The following LIN28B variants were observed in gnomAD, a reference collection of about 807,000 sequenced individuals.
LIN28B encodes the protein lin-28 RNA binding posttranscriptional regulator B.
A neutral mutation model predicts 21.9 loss-of-function variants in LIN28B; 5 were observed. The observed-to-expected ratio is 0.23, with a 90% confidence interval of 0.12 to 0.48. The LOEUF (loss-of-function observed/expected upper bound fraction) is 0.48. LIN28B is among the 20% of genes least tolerant of loss of function. The probability of loss-of-function intolerance (pLI) is 0.98; values close to 1 mark genes in which losing one functional copy is unlikely to be tolerated. For synonymous variants in LIN28B, 109 were observed against 111.3 expected (o/e 0.98, Z 0.13); for missense variants, 245 against 310.5 (o/e 0.79, Z 1.58).
Position 105,082,966 on chromosome 6 carries a change from C to T in LIN28B, c.*4183C>T, listed in dbSNP as rs1006168969. The T allele has an allele frequency of 1.1e-4, 17 of 152,560 alleles. No homozygotes were observed. The highest frequency in any genetic ancestry group is 7.2e-4 in the Admixed American group (11 of 15,252). 9.5% of individuals were successfully genotyped at this position (152,560 alleles called of 1,614,324 possible). A position where few individuals can be genotyped will look rare whatever the true frequency, so the allele number is the denominator to read the frequency against. ...TTGCTTTTTGGTATTAACAACTAAC[C>T]GTACTAGAGACCAAAGTGAACCCTG... On this transcript the variant is annotated 3_prime_UTR_variant, in exon 4 of 4. Transcript: ENST00000345080.
chr6:105,027,101 A>G (rs1042393275), intron 3 of LIN28B, among the ~76,000 whole-genome samples: 6 of 152,154 alleles, frequency 3.9e-5, no homozygotes, highest in Non-Finnish European at 8.8e-5. Context: ...ATGTATTTTG[A>G]ATTGATCAAT....
At chr6:104,966,265 A>G (rs1769856006) in intron 2 of LIN28B, among the ~76,000 whole-genome samples, 1 of 152,190 alleles carries the variant, frequency 6.6e-6, no homozygotes. Flanking sequence ...GGTCACTTCC[A>G]GGGAGCTTCA....
chr6:105,065,535 C>T lies in LIN28B; in HGVS notation c.384-12879C>T, dbSNP rs911605326. ...GGGAGAAATGGACAGAGGTCATTTA[C>T]TTCTCATTTATACTTCATCGTTTTC... On this transcript the variant is annotated intron_variant, in intron 3 of 3. Transcript: ENST00000345080. 3.9e-5 allele frequency among the ~76,000 whole-genome samples: 6 copies of T among 152,358 alleles called. 1 individual carries two copies. The highest frequency in any genetic ancestry group is 1.4e-4 in the African/African-American group (6 of 41,590).
intron 2 of LIN28B, among the ~76,000 whole-genome samples, chr6:104,991,724 T>C (rs1012883848): frequency 6.6e-6 from 1 of 152,050 alleles, no homozygotes; most frequent in Non-Finnish European, 1.5e-5. Flanking sequence ...CTGGGCAACA[T>C]TGAGCACTGA....
intron 2 of LIN28B, among the ~76,000 whole-genome samples, chr6:104,994,385 A>G (rs1414180650): frequency 2.0e-5 from 3 of 152,246 alleles, no homozygotes; most frequent in African/African-American, 7.2e-5. Context: ...AAGAATTAGC[A>G]AATCAGTTAT....
chr6:105,060,183 G>A (rs929365227), intron 3 of LIN28B, among the ~76,000 whole-genome samples: 1 of 152,164 alleles, frequency 6.6e-6, no homozygotes, highest in Non-Finnish European at 1.5e-5. Context: ...GATTACAGGC[G>A]TGAGCCACCG....
chr6:105,030,063 A>T (rs1277568315), intron 3 of LIN28B, among the ~76,000 whole-genome samples: 2 of 152,170 alleles, frequency 1.3e-5, no homozygotes, highest in African/African-American at 4.8e-5. Context: ...TAAAGCTTTG[A>T]CACACTTAAT....
chr6:105,062,464 A>C (rs769406495), intron 3 of LIN28B, among the ~76,000 whole-genome samples: 47 of 152,218 alleles, frequency 3.1e-4, no homozygotes, highest in Non-Finnish European at 5.3e-4. Context: ...CTGTTTTAAA[A>C]TATATTTTTA....
At chr6:104,945,599 A>T (rs930214689) in intron 2 of LIN28B, among the ~76,000 whole-genome samples, 9 of 152,034 alleles carry the variant, frequency 5.9e-5, no homozygotes, top group African/African-American at 2.2e-4. Context: ...TAAGGCAGGA[A>T]TTTTGCCATT....
chr6:105,020,464 G>A (rs1350208894), intron 2 of LIN28B, among the ~76,000 whole-genome samples: 1 of 151,450 alleles, frequency 6.6e-6, no homozygotes, highest in African/African-American at 2.4e-5. Context: ...CGTCAAGTGT[G>A]TGCCACCATG....
chr6:104,955,232 C>G (rs1384758089), upstream of LIN28B, among the ~76,000 whole-genome samples: 6 of 152,064 alleles, frequency 3.9e-5, no homozygotes, highest in Non-Finnish European at 8.8e-5. Flanking sequence ...AAAATAATGC[C>G]TAGTAAATGT....
intron 2 of LIN28B, among the ~76,000 whole-genome samples, chr6:104,966,801 T>G (rs536699660): frequency 1.3e-5 from 2 of 152,216 alleles, no homozygotes; most frequent in Admixed American, 1.3e-4. Context: ...TTTTGTATTT[T>G]TAGTAGAGAT....
Position 105,028,740 on chromosome 6 carries a change from G to C in LIN28B, c.383+2258G>C, listed in dbSNP as rs532457779. 4.6e-5 allele frequency among the ~76,000 whole-genome samples: 7 copies of C among 152,264 alleles called. 1 individual carries two copies. The South Asian group carries it at 1.2e-3, about 27-fold the overall frequency. On this transcript the variant is annotated intron_variant, in intron 3 of 3. Transcript: ENST00000345080. Reference sequence around the variant, plus strand: ...TCCAAGTGAAGATGTATATTAGGCAGATGGATGCACTATATGGAGTTCCAG... The same window carrying C: ...TCCAAGTGAAGATGTATATTAGGCACATGGATGCACTATATGGAGTTCCAG...
chr6:104,974,204 A>G (rs1361524799), intron 2 of LIN28B, among the ~76,000 whole-genome samples: 2 of 152,126 alleles, frequency 1.3e-5, no homozygotes, highest in Non-Finnish European at 2.9e-5. Flanking sequence ...AAAAATGCAG[A>G]TTCAGGTTGG....
intron 3 of LIN28B, among the ~76,000 whole-genome samples, chr6:105,070,746 C>A (rs117965527): frequency 6.6e-6 from 1 of 152,050 alleles, no homozygotes; most frequent in African/African-American, 2.4e-5. Flanking sequence ...CCACTGCACT[C>A]CAGCCTGGGC....
chr6:104,971,441 C>A (rs1484615279), intron 2 of LIN28B, among the ~76,000 whole-genome samples: 1 of 152,064 alleles, frequency 6.6e-6, no homozygotes, highest in African/African-American at 2.4e-5. Context: ...TTTATAAATA[C>A]AATCTTTTGG....
chr6:104,951,857 G>C (rs959445590), intron 3 of LIN28B, among the ~76,000 whole-genome samples: 1 of 152,102 alleles, frequency 6.6e-6, no homozygotes, highest in Non-Finnish European at 1.5e-5. Context: ...AATAGGACCA[G>C]AATTGGTAAA....
rs1230931083 is a variant in LIN28B at position 105,053,698 on chromosome 6, GGTGTGTGTGTGGGTGCGT to G, written c.384-24704_384-24687del. Among the ~76,000 whole-genome samples the G allele has an allele frequency of 1.7e-3, 180 of 104,786 alleles. 1 individual carries two copies. The highest frequency in any genetic ancestry group is 6.5e-3 in the African/African-American group (167 of 25,590). 68.7% of individuals were successfully genotyped at this position (104,786 alleles called of 152,430 possible). A position where few individuals can be genotyped will look rare whatever the true frequency, so the allele number is the denominator to read the frequency against. ...CCAACTTTTTTATGGTTGTTTGTAT[GGTGTGTGTGTGGGTGCGT>G]GTGTGTGTGTGTGTGTGTGTGTGTG... On this transcript the variant is annotated intron_variant, in intron 3 of 3. Transcript: ENST00000345080.
At chr6:104,942,318 GT>G (rs1778106018) in intron 2 of LIN28B, among the ~76,000 whole-genome samples, 1 of 152,006 alleles carries the variant, frequency 6.6e-6, no homozygotes, top group Non-Finnish European at 1.5e-5. Context: ...AAATATTAAT[GT>G]TTCTTTTTTT....
Sources: gnomAD v4.1 joint callset for allele counts (sites outside exome capture counted in the v4.1 genomes callset) on GRCh38, gnomAD v4.1.1 for gene constraint, MANE v1.5 for transcripts, NCBI Gene and HGNC (gene_info 2026-07-23, HGNC 2026-07-21) for gene names.